The following YAF2 variants were observed in gnomAD, a reference collection of about 807,000 sequenced individuals.
YAF2 encodes YY1-associated factor 2.
Under a neutral mutation model 20.1 loss-of-function variants are expected in YAF2, and 7 were observed. That is an observed-to-expected ratio of 0.35 (90% CI 0.20 to 0.65). YAF2 has a LOEUF of 0.65. Among genes scored for constraint, YAF2 ranks in the 30% least tolerant of loss-of-function variants. The probability of loss-of-function intolerance (pLI) is 0.69; values close to 1 mark genes in which losing one functional copy is unlikely to be tolerated. For synonymous variants in YAF2, 74 were observed against 76.0 expected, an observed-to-expected ratio of 0.97 and a Z score of 0.14; for missense variants, 151 against 219.2, an observed-to-expected ratio of 0.69 and a Z score of 1.96.
intron 2 of YAF2, chr12:42,233,477 T>A: frequency 1.0e-6 from 1 of 983,416 alleles, no homozygotes; most frequent in Non-Finnish European, 1.2e-6. Flanking sequence ...ATACAGACTA[T>A]CCTTAATATT....
At chr12:42,189,048 T>C (rs1257808790) in intron 2 of YAF2, among the ~76,000 whole-genome samples, 11 of 152,156 alleles carry the variant, frequency 7.2e-5, no homozygotes, top group Non-Finnish European at 1.6e-4. Flanking sequence ...AAAGCCTTCC[T>C]GTAGAGATGA....
chr12:42,202,447 A>G lies in YAF2; in HGVS notation c.152+35152T>C, dbSNP rs117889310. Among the ~76,000 whole-genome samples, 97 of 152,238 alleles carry G rather than the reference A, an allele frequency of 6.4e-4. No homozygotes were observed. The East Asian group carries it at 0.017, about 27-fold the overall frequency. On this transcript the variant is annotated intron_variant, in intron 2 of 3. Transcript: ENST00000534854. The stretch of plus-strand genomic sequence containing the variant: ...AGTACCATGCTTCCAAGATGACCAC[A>G]ATTCTCATCTCTATCACTATAGATT...
chr12:42,194,214 G>A (rs2066689781), intron 2 of YAF2, among the ~76,000 whole-genome samples: 1 of 152,170 alleles, frequency 6.6e-6, no homozygotes, highest in African/African-American at 2.4e-5. Context: ...TGTAGCCTAA[G>A]TGTACAGTGT....
chr12:42,229,841 C>T (rs1310390423), intron 2 of YAF2, among the ~76,000 whole-genome samples: 1 of 152,138 alleles, frequency 6.6e-6, no homozygotes, highest in South Asian at 2.1e-4. Context: ...AATATAGTAT[C>T]ATTTTATGGG....
chr12:42,233,047 C>G (rs2068030080), intron 2 of YAF2: 2 of 985,200 alleles, frequency 2.0e-6, no homozygotes, highest in Admixed American at 6.2e-5. Flanking sequence ...CACTGTATGT[C>G]TAGTATCCAA....
chr12:42,174,372 C>T (rs1316138558), intron 2 of YAF2, among the ~76,000 whole-genome samples: 1 of 152,188 alleles, frequency 6.6e-6, no homozygotes, highest in African/African-American at 2.4e-5. Flanking sequence ...TCCTTCCCTT[C>T]CTGAAAAACT....
intron 2 of YAF2, among the ~76,000 whole-genome samples, chr12:42,212,004 G>T (rs933430586): frequency 1.3e-5 from 2 of 151,634 alleles, no homozygotes; most frequent in Non-Finnish European, 2.9e-5. Context: ...AGCCAAGATC[G>T]TGCCTGGGAG....
At position 42,238,158 on chromosome 12, in the gene YAF2, G is replaced by A. The variant is rs979370843; in HGVS notation, c.23C>T (p.Thr8Ile). Residue 8 changes from threonine (T) to isoleucine (I), a missense_variant, in exon 1 of 4, where the codon ACC becomes ATC. This residue lies in a region of YAF2 where 50 missense variants were observed against 58.3 expected (regional missense o/e 0.86). Coordinates refer to ENST00000534854, the MANE Select transcript of YAF2 (RefSeq NM_005748.6). MGDKKSP[T>I]RPKRQPKPSS... ...CCCGGGGCCCGGGCGCTGTTACCTG[G>A]TGGGGCTCTTCTTGTCTCCCATGGC... 1.7e-5 allele frequency: 27 copies of A among 1,546,830 alleles called. No homozygotes were observed. The highest frequency in any genetic ancestry group is 2.3e-5 in the Non-Finnish European group (26 of 1,148,148).
intron 2 of YAF2, among the ~76,000 whole-genome samples, chr12:42,164,882 C>T (rs1407215344): frequency 6.6e-6 from 1 of 151,830 alleles, no homozygotes; most frequent in African/African-American, 2.4e-5. Flanking sequence ...CCAGCCTGGG[C>T]AACATAGTGA....
intron 2 of YAF2, among the ~76,000 whole-genome samples, chr12:42,173,348 T>G (rs1158695117): frequency 6.6e-6 from 1 of 152,224 alleles, no homozygotes; most frequent in Non-Finnish European, 1.5e-5. Context: ...CAGGAAGACT[T>G]GATTCCTTGA....
intron 2 of YAF2, among the ~76,000 whole-genome samples, chr12:42,213,975 A>AG (rs1212823476): frequency 2.6e-5 from 4 of 152,352 alleles, no homozygotes; most frequent in African/African-American, 9.6e-5. Flanking sequence ...TAACTAGAAT[A>AG]GCCCAACTAG....
At position 42,158,122 on chromosome 12, in the gene YAF2, G is replaced by A. The variant is rs886786450; in HGVS notation, c.*2467C>T. 6.6e-6 allele frequency: 1 copy of A among 152,192 alleles called. No homozygotes were observed. Among genetic ancestry groups the A allele is most frequent in the African/African-American group, 2.4e-5 (1 of 41,446 alleles). 9.4% of individuals were successfully genotyped at this position (152,192 alleles called of 1,614,324 possible). A position where few individuals can be genotyped will look rare whatever the true frequency, so the allele number is the denominator to read the frequency against. On this transcript the variant is annotated 3_prime_UTR_variant, in exon 4 of 4. Transcript: ENST00000534854. ...AGTTCTGTTTATGGAATTTGGGTCT[G>A]TTTTCCTGGTGTGGAAGTGTACTTG... is the stretch of plus-strand genomic sequence containing the variant.
intron 2 of YAF2, among the ~76,000 whole-genome samples, chr12:42,218,094 T>C (rs2067410360): frequency 6.6e-6 from 1 of 152,010 alleles, no homozygotes; most frequent in African/African-American, 2.4e-5. Flanking sequence ...TACTGCTTAC[T>C]CCTATTACAC....
chr12:42,198,991 C>T, intron 2 of YAF2: 1 of 380,668 alleles, frequency 2.6e-6, no homozygotes, highest in East Asian at 8.0e-5. Context: ...CTTTACAGTG[C>T]AATTCTAAAC....
intron 2 of YAF2, among the ~76,000 whole-genome samples, chr12:42,229,331 T>A (rs1487401851): frequency 2.1e-4 from 29 of 136,650 alleles, no homozygotes; most frequent in African/African-American, 7.8e-4. Context: ...CACTTGTTTA[T>A]CTGCTGACCT....
intron 2 of YAF2, among the ~76,000 whole-genome samples, chr12:42,168,541 G>A (rs1049126195): frequency 1.9e-4 from 29 of 151,968 alleles, no homozygotes; most frequent in African/African-American, 7.0e-4. Context: ...GAAGAGGCTT[G>A]GCTTCTTCCT....
At chr12:42,199,231 T>TA in intron 2 of YAF2, 1 of 1,288,676 alleles carries the variant, frequency 7.8e-7, no homozygotes, top group Non-Finnish European at 1.0e-6. Context: ...CTCTTCCTGT[T>TA]ATCTCTGGCA....
chr12:42,173,785 G>C (rs1010078034), intron 2 of YAF2, among the ~76,000 whole-genome samples: 4 of 152,044 alleles, frequency 2.6e-5, no homozygotes, highest in Non-Finnish European at 5.9e-5. Context: ...TCTAAGTACT[G>C]GGAAGAGAGC....
intron 2 of YAF2, among the ~76,000 whole-genome samples, chr12:42,229,403 A>T: frequency 7.6e-6 from 1 of 131,440 alleles, no homozygotes; most frequent in African/African-American, 3.1e-5. Context: ...CCCAAGAATT[A>T]TCAATAAAAA....
Sources: allele counts gnomAD v4.1 joint callset (sites outside exome capture counted in the v4.1 genomes callset), GRCh38; gene constraint gnomAD v4.1.1; regional missense constraint gnomAD v4.1.1; transcripts MANE v1.5; gene names NCBI Gene and HGNC (gene_info 2026-07-23, HGNC 2026-07-21).